DAPK2: variants seen among roughly 807,000 people sequenced by gnomAD.
DAPK2 encodes the protein death associated protein kinase 2, also known as death-associated protein kinase 2.
DAPK2 carries 35 observed loss-of-function variants against 44.1 expected under a neutral mutation model. That is an observed-to-expected ratio of 0.79 (90% CI 0.61 to 1.05). The LOEUF (loss-of-function observed/expected upper bound fraction) is 1.05. DAPK2 is among the 50% of genes least tolerant of loss of function. DAPK2 has a pLI of 0.00. For synonymous variants in DAPK2, 174 were observed against 182.6 expected (o/e 0.95, Z 0.38); for missense variants, 453 against 483.2 (o/e 0.94, Z 0.59).
chr15:64,002,933 T>TGTGTGTGTGTGTGTGTGTGTGGTGGGAC (rs2079121733), intron 1 of DAPK2, among the ~76,000 whole-genome samples: 1 of 132,706 alleles, frequency 7.5e-6, no homozygotes, highest in African/African-American at 2.9e-5. Context: ...TGTGTGTGTG[T>TGTGTGTGTGTGTGTGTGTGTGGTGGGAC]GTGTGTGTGT....
chr15:63,940,877 A>C (rs890517738), intron 3 of DAPK2, among the ~76,000 whole-genome samples: 1 of 152,220 alleles, frequency 6.6e-6, no homozygotes, highest in African/African-American at 2.4e-5. Flanking sequence ...AGCATAGGCA[A>C]ATCCACAGAG....
chr15:64,003,374 T>C (rs2079148179), intron 1 of DAPK2, among the ~76,000 whole-genome samples: 1 of 152,224 alleles, frequency 6.6e-6, no homozygotes, highest in Non-Finnish European at 1.5e-5. Context: ...AATAGCACTC[T>C]ATCATAGGCA....
chr15:63,920,652 T>C (rs1480433445), intron 8 of DAPK2: 1 of 152,218 alleles, frequency 6.6e-6, no homozygotes, highest in Non-Finnish European at 1.5e-5. Context: ...GAAGCTTTCC[T>C]GTCTTGTCCT....
intron 6 of DAPK2, among the ~76,000 whole-genome samples, chr15:63,927,579 G>A (rs1478893823): frequency 6.6e-6 from 1 of 152,244 alleles, no homozygotes; most frequent in South Asian, 2.1e-4. Flanking sequence ...TAGGTGTATG[G>A]TGTGTCTCCC....
At chr15:63,995,078 A>G (rs2078917074) in intron 1 of DAPK2, among the ~76,000 whole-genome samples, 1 of 152,188 alleles carries the variant, frequency 6.6e-6, no homozygotes, top group Non-Finnish European at 1.5e-5. Flanking sequence ...TTTTTAAAGC[A>G]AATTCTCAAT....
chr15:64,020,605 C>G lies in DAPK2; in HGVS notation c.92+19565G>C, dbSNP rs1480178787. 1.3e-5 allele frequency among the ~76,000 whole-genome samples: 2 copies of G among 152,126 alleles called. No homozygotes were observed. Among genetic ancestry groups the G allele is most frequent in the Admixed American group, 1.3e-4 (2 of 15,282 alleles). On this transcript the variant is annotated intron_variant, in intron 1 of 10. Coordinates refer to ENST00000261891, the Ensembl canonical transcript of DAPK2. The surrounding 1 kb of genome is among the most constrained non-coding windows in gnomAD (Gnocchi z 4.5). ...TCCTCTGGGAAGGATTTATAGTTGA[C>G]AAAAGAGACACACCCATTTGATAGC...
chr15:63,929,966 G>A (rs2079476934), intron 5 of DAPK2: 1 of 437,760 alleles, frequency 2.3e-6, no homozygotes, highest in Non-Finnish European at 4.3e-6. Context: ...CTATAAAGCA[G>A]CGTCCAAATG....
At chr15:63,946,964 C>T (rs571004067) in intron 3 of DAPK2, among the ~76,000 whole-genome samples, 3 of 152,324 alleles carry the variant, frequency 2.0e-5, no homozygotes, top group Admixed American at 1.3e-4. Context: ...CCTGTCCTCA[C>T]ACACTGTCGA....
At chr15:64,000,550 C>T (rs529888296) in intron 1 of DAPK2, among the ~76,000 whole-genome samples, 78 of 152,294 alleles carry the variant, frequency 5.1e-4, no homozygotes, top group African/African-American at 1.7e-3. Context: ...GGATCAGTAG[C>T]CATGTATTCC....
intron 2 of DAPK2, among the ~76,000 whole-genome samples, chr15:63,979,297 C>T (rs8030264): frequency 0.54 from 82,243 of 152,050 alleles, 22,915 homozygotes; most frequent in East Asian, 0.96. Flanking sequence ...TCAAGAGTCA[C>T]GACCAGAGGC....
At chr15:64,016,981 T>G (rs1467200745) in intron 1 of DAPK2, among the ~76,000 whole-genome samples, 3 of 152,196 alleles carry the variant, frequency 2.0e-5, no homozygotes, top group Non-Finnish European at 4.4e-5. Flanking sequence ...CACCATTATT[T>G]ACATCATGAC....
chr15:63,979,554 C>A (rs2078445531), intron 2 of DAPK2, among the ~76,000 whole-genome samples: 1 of 152,192 alleles, frequency 6.6e-6, no homozygotes, highest in African/African-American at 2.4e-5. Flanking sequence ...CCTATTAGGG[C>A]CCAGTGAGGA....
intron 6 of DAPK2, 70 bp from the exon 8 acceptor site, chr15:63,926,163 G>C: frequency 6.5e-7 from 1 of 1,530,964 alleles, no homozygotes; most frequent in Non-Finnish European, 8.8e-7. Context: ...CGGACTCGGG[G>C]AACCCTGCCC....
chr15:63,975,959 G>C (rs1158849642), intron 2 of DAPK2, among the ~76,000 whole-genome samples: 1 of 152,088 alleles, frequency 6.6e-6, no homozygotes, highest in Non-Finnish European at 1.5e-5. Context: ...CTGCCCCCTA[G>C]TCCATCCTAA....
chr15:63,986,616 C>G (rs904517171), intron 1 of DAPK2, among the ~76,000 whole-genome samples: 1 of 152,092 alleles, frequency 6.6e-6, no homozygotes, highest in Admixed American at 6.6e-5. Flanking sequence ...AAGCACCACC[C>G]TACCCCGCCA....
At chr15:64,010,511 G>A (rs1470912909) in intron 1 of DAPK2, among the ~76,000 whole-genome samples, 3 of 152,160 alleles carry the variant, frequency 2.0e-5, no homozygotes, top group Non-Finnish European at 2.9e-5. Context: ...TCAATGTGAT[G>A]ATGATCCCTA....
intron 2 of DAPK2, among the ~76,000 whole-genome samples, chr15:63,976,531 C>T (rs2078351459): frequency 6.6e-6 from 1 of 150,554 alleles, no homozygotes; most frequent in Admixed American, 6.6e-5. Context: ...CCAGCCTGGG[C>T]AACATAGTGA....
rs10668957 is a variant in DAPK2 at position 63,980,800 on chromosome 15, G to GCA, written c.314+2732_314+2733insTG. Among the ~76,000 whole-genome samples, 3 of 151,732 alleles carry GCA rather than the reference G, an allele frequency of 2.0e-5. No homozygotes were observed. Among genetic ancestry groups the GCA allele is most frequent in the Admixed American group, 1.3e-4 (2 of 15,238 alleles). On this transcript the variant is annotated intron_variant, in intron 2 of 10. Coordinates refer to ENST00000261891, the Ensembl canonical transcript of DAPK2. This position sits in a 1 kb window ranked among gnomAD's most constrained non-coding sequence, Gnocchi z 4.3. ...TATTAGGCAGTGGGACCTTTAAGACGTGATTGGGTCGGGGTGCGGTGGCTC... is the reference window on the plus strand; with the variant it reads ...TATTAGGCAGTGGGACCTTTAAGACGCATGATTGGGTCGGGGTGCGGTGGCTC...
chr15:63,957,153 C>A (rs888562849), intron 3 of DAPK2, among the ~76,000 whole-genome samples: 4 of 152,176 alleles, frequency 2.6e-5, no homozygotes, highest in African/African-American at 9.7e-5. Context: ...GCTTAACTGA[C>A]CCTTTTATCA....
Sources: allele counts gnomAD v4.1 joint callset (sites outside exome capture counted in the v4.1 genomes callset), GRCh38; gene constraint gnomAD v4.1.1; non-coding constraint Gnocchi (gnomAD v3.1); transcripts MANE v1.5; gene names NCBI Gene and HGNC (gene_info 2026-07-23, HGNC 2026-07-21).